PDZRN3: variants seen among roughly 807,000 people sequenced by gnomAD.
PDZRN3 encodes the protein PDZ domain containing ring finger 3, also known as E3 ubiquitin-protein ligase PDZRN3.
A neutral mutation model predicts 85.7 loss-of-function variants in PDZRN3; 38 were observed. The ratio of observed to expected loss-of-function variants is 0.44; its 90% CI spans 0.34 to 0.58. The LOEUF (loss-of-function observed/expected upper bound fraction) is 0.58. Ranked by LOEUF, PDZRN3 falls within the 20% of genes least tolerant of loss-of-function variation. The probability of loss-of-function intolerance (pLI) is 0.01; values close to 1 mark genes in which losing one functional copy is unlikely to be tolerated. For synonymous variants in PDZRN3, 759 were observed against 638.0 expected, an observed-to-expected ratio of 1.19 and a Z score of -2.86; for missense variants, 1,629 against 1,506.4, an observed-to-expected ratio of 1.08 and a Z score of -1.35.
intron 3 of PDZRN3, among the ~76,000 whole-genome samples, chr3:73,586,869 G>A (rs9830956): frequency 0.22 from 33,783 of 152,130 alleles, 4,100 homozygotes; most frequent in African/African-American, 0.31. Flanking sequence ...TGATGCAAAC[G>A]ACCACCAGTT....
chr3:73,396,330 C>T (rs977451932), intron 5 of PDZRN3, among the ~76,000 whole-genome samples: 6 of 152,272 alleles, frequency 3.9e-5, no homozygotes, highest in Middle Eastern at 3.4e-3. Context: ...AGGCATGTAA[C>T]GATCTGGGGC....
chr3:73,535,833 G>A (rs1184280019), intron 3 of PDZRN3, among the ~76,000 whole-genome samples: 4 of 152,156 alleles, frequency 2.6e-5, no homozygotes. Flanking sequence ...CCACATGCAT[G>A]GCATATTGCA....
At chr3:73,487,669 T>C (rs1481696509) in intron 3 of PDZRN3, among the ~76,000 whole-genome samples, 1 of 152,206 alleles carries the variant, frequency 6.6e-6, no homozygotes, top group Non-Finnish European at 1.5e-5. Flanking sequence ...CCCCATTAAA[T>C]AGCCAAAACA....
chr3:73,534,470 A>AT (rs35634216), intron 3 of PDZRN3, among the ~76,000 whole-genome samples: 1 of 152,066 alleles, frequency 6.6e-6, no homozygotes, highest in Non-Finnish European at 1.5e-5. Flanking sequence ...TTATGTGTTG[A>AT]TTTTTGTTAT....
Position 73,384,454 on chromosome 3 carries a change from G to A in PDZRN3, c.2112C>T (p.Arg704=), listed in dbSNP as rs767085999. Residue 704 remains arginine, a synonymous_variant, in exon 10 of 10, where the codon CGC becomes CGT. Transcript: ENST00000263666. The part of the protein sequence containing the change: ...SIELECLSIV[R]AHKMQQLKEQ... ...CCTTGAGCTGCTGCATCTTGTGGGC[G>A]CGCACGATGCTCAGGCACTCCAGCT... 6.8e-6 allele frequency: 11 copies of A among 1,612,294 alleles called. No homozygotes were observed. The highest frequency in any genetic ancestry group is 1.1e-5 in the South Asian group (1 of 91,094).
chr3:73,509,998 T>C (rs1009877852), intron 3 of PDZRN3, among the ~76,000 whole-genome samples: 1 of 152,236 alleles, frequency 6.6e-6, no homozygotes, highest in African/African-American at 2.4e-5. Context: ...GCCATTTGTT[T>C]CTTCTACCAT....
At chr3:73,508,091 A>T (rs1704099999) in intron 3 of PDZRN3, among the ~76,000 whole-genome samples, 1 of 152,056 alleles carries the variant, frequency 6.6e-6, no homozygotes, top group South Asian at 2.1e-4. Flanking sequence ...ACGGTCTCAA[A>T]AAAAAAAGAG....
intron 3 of PDZRN3, among the ~76,000 whole-genome samples, chr3:73,582,453 C>A (rs923755306): frequency 2.6e-5 from 4 of 152,092 alleles, no homozygotes; most frequent in African/African-American, 9.7e-5. Flanking sequence ...ATTCTCAATA[C>A]TTCCTATACC....
At chr3:73,593,254 G>T (rs1164223548) in intron 3 of PDZRN3, among the ~76,000 whole-genome samples, 1 of 152,168 alleles carries the variant, frequency 6.6e-6, no homozygotes, top group Non-Finnish European at 1.5e-5. Context: ...AATTACCTAA[G>T]ATTTAATTTT....
Position 73,586,905 on chromosome 3 carries a change from G to A in PDZRN3, c.918+15449C>T, listed in dbSNP as rs115829836. Among the ~76,000 whole-genome samples the A allele has an allele frequency of 9.2e-3, 1,398 of 152,350 alleles. 40 individuals carry two copies. The highest frequency in any genetic ancestry group is 0.032 in the African/African-American group (1,325 of 41,580). Reference sequence around the variant, plus strand: ...AATGCCATCCAACTGCTGATGGAGTGCAGGGCCCATGAACTTTGCCTCAAA... The same window carrying A: ...AATGCCATCCAACTGCTGATGGAGTACAGGGCCCATGAACTTTGCCTCAAA... On this transcript the variant is annotated intron_variant, in intron 3 of 9. Coordinates refer to ENST00000263666, the MANE Select transcript of PDZRN3 (RefSeq NM_015009.3).
In PDZRN3 at chr3:73,412,020, A is replaced by G. The variant is rs547816867; in HGVS notation, c.919-7625T>C. Among the ~76,000 whole-genome samples the G allele has an allele frequency of 2.0e-5, 3 of 152,304 alleles. No homozygotes were observed. The East Asian group carries it at 5.8e-4, about 29-fold the overall frequency. ...AGAGGGCATCTGCGCATCTGCAGAC[A>G]TTTCATTTAAGATGCTGGTGGCTTT... On this transcript the variant is annotated intron_variant, in intron 3 of 9. Coordinates refer to ENST00000263666, the MANE Select transcript of PDZRN3 (RefSeq NM_015009.3).
chr3:73,456,950 C>A (rs909088853), intron 3 of PDZRN3, among the ~76,000 whole-genome samples: 11 of 151,430 alleles, frequency 7.3e-5, no homozygotes, highest in Admixed American at 7.2e-4. Context: ...AAAAAAAAAA[C>A]ACCTGGTACT....
In PDZRN3 at chr3:73,552,438, A is replaced by G. The variant is rs557688382; in HGVS notation, c.918+49916T>C. On this transcript the variant is annotated intron_variant, in intron 3 of 9. Transcript: ENST00000263666. ...GCAGATTCACTGAGGAGTTTACACAATTATCTCATTCATTCCTCATGACCC... is the reference window on the plus strand; with the variant it reads ...GCAGATTCACTGAGGAGTTTACACAGTTATCTCATTCATTCCTCATGACCC... Among the ~76,000 whole-genome samples, 14 of 152,252 alleles carry G rather than the reference A, an allele frequency of 9.2e-5. No homozygotes were observed. In the South Asian group the frequency reaches 2.9e-3, roughly 32 times the overall value.
intron 3 of PDZRN3, among the ~76,000 whole-genome samples, chr3:73,594,780 C>T (rs776400879): frequency 3.9e-5 from 6 of 151,946 alleles, no homozygotes; most frequent in African/African-American, 2.4e-5. Context: ...GTGGCTAAAT[C>T]GGGAAATAAG....
chr3:73,569,389 C>T, intron 3 of PDZRN3: 1 of 1,196,344 alleles, frequency 8.4e-7, no homozygotes, highest in South Asian at 1.6e-5. Context: ...CACATGTGTG[C>T]CGCATACCTG....
At chr3:73,429,405 G>A (rs1702385188) in intron 3 of PDZRN3, among the ~76,000 whole-genome samples, 1 of 152,122 alleles carries the variant, frequency 6.6e-6, no homozygotes. Context: ...TCATTAATTG[G>A]GTCCATACTT....
At chr3:73,400,614 G>A (rs1701729060) in intron 5 of PDZRN3, among the ~76,000 whole-genome samples, 2 of 152,214 alleles carry the variant, frequency 1.3e-5, no homozygotes. Context: ...GGAGGCTTAT[G>A]TTAGTTACAA....
intron 3 of PDZRN3, among the ~76,000 whole-genome samples, chr3:73,498,773 C>T (rs1345546838): frequency 2.0e-5 from 3 of 152,074 alleles, no homozygotes; most frequent in Non-Finnish European, 2.9e-5. Flanking sequence ...TTAGTAGAGA[C>T]GGGGTTTCAC....
intron 3 of PDZRN3, among the ~76,000 whole-genome samples, chr3:73,583,846 G>T (rs889004421): frequency 1.3e-5 from 2 of 152,036 alleles, no homozygotes. Flanking sequence ...AACCTACTAG[G>T]CAACCCTAAC....
Sources: gnomAD v4.1 joint callset for allele counts (sites outside exome capture counted in the v4.1 genomes callset) on GRCh38, gnomAD v4.1.1 for gene constraint, MANE v1.5 for transcripts, NCBI Gene and HGNC (gene_info 2026-07-23, HGNC 2026-07-21) for gene names.